GSDMC: variants seen among roughly 807,000 people sequenced by gnomAD.
GSDMC encodes the protein gasdermin C.
In GSDMC, 59 loss-of-function variants were observed where a neutral mutation model predicts 58.0. That is an observed-to-expected ratio of 1.02 (90% CI 0.82 to 1.26). The LOEUF is 1.26. Ranked by LOEUF, GSDMC falls within the 50% of genes most tolerant of loss-of-function variation. The pLI is 0.00. For missense variants in GSDMC, 659 were observed against 598.5 expected (o/e 1.10, Z -1.06); for synonymous variants, 241 against 220.2 (o/e 1.09, Z -0.83).
At chr8:129,740,750 T>C in the GSDMC span, among the ~76,000 whole-genome samples, 1,700 of 152,336 alleles carry the variant, frequency 0.011, 42 homozygotes, top group African/African-American at 0.039. Flanking sequence ...ATTAGCTCCC[T>C]AGCAGATGTA....
At chr8:129,767,717 C>G (rs1439343704) in intron 3 of GSDMC, among the ~76,000 whole-genome samples, 1 of 152,136 alleles carries the variant, frequency 6.6e-6, no homozygotes, top group Non-Finnish European at 1.5e-5. Flanking sequence ...AGCCTGTGGC[C>G]TGCCCAACTA....
At position 129,786,538 on chromosome 8, in the gene GSDMC, A is replaced by G. The variant is rs868579054; in HGVS notation, c.-532T>C. 2 of 152,138 alleles carry G rather than the reference A, an allele frequency of 1.3e-5. No individual in the cohort carries two copies. The highest frequency in any genetic ancestry group is 4.8e-5 in the African/African-American group (2 of 41,384). 9.4% of individuals were successfully genotyped at this position (152,138 alleles called of 1,614,324 possible). A position where few individuals can be genotyped will look rare whatever the true frequency, so the allele number is the denominator to read the frequency against. On this transcript the variant is annotated 5_prime_UTR_variant, in exon 1 of 14. Transcript: ENST00000276708. The stretch of plus-strand genomic sequence containing the variant: ...GGAGGGCCCTGTTCATTTCCAGAAG[A>G]GTAAGTCTGGAACTAGTTCTGGATC...
chr8:129,732,917 C>A, the GSDMC span, among the ~76,000 whole-genome samples: 1,163 of 152,292 alleles, frequency 7.6e-3, 17 homozygotes, highest in African/African-American at 0.026. Context: ...CAAGGGAAGC[C>A]GTGACAGACT....
chr8:129,723,241 T>C, the GSDMC span, among the ~76,000 whole-genome samples: 1 of 151,820 alleles, frequency 6.6e-6, no homozygotes, highest in Non-Finnish European at 1.5e-5. Context: ...AGTTTTTTTG[T>C]TTCTGTTTTT....
chr8:129,774,190 C>T (rs1277836507), intron 3 of GSDMC, among the ~76,000 whole-genome samples: 2 of 152,062 alleles, frequency 1.3e-5, no homozygotes, highest in Non-Finnish European at 2.9e-5. Flanking sequence ...ATGGCACTTG[C>T]ATAAAAACAG....
chr8:129,735,033 C>T, the GSDMC span, among the ~76,000 whole-genome samples: 1 of 152,008 alleles, frequency 6.6e-6, no homozygotes, highest in Non-Finnish European at 1.5e-5. Context: ...AGACTTTAAA[C>T]CAACAAAGAT....
rs113659517 is a variant in GSDMC, at chr8:129,776,180, G to T, written c.326C>A (p.Ala109Asp). 6.2e-7 allele frequency: 1 copy of T among 1,613,670 alleles called. No homozygotes were observed. Among genetic ancestry groups the T allele is most frequent in the Admixed American group, 1.7e-5 (1 of 60,004 alleles). ...VGIEVSVSGE[A>D]SVDHGCSLEF... ...GAGGGAGCATCCATGGTCCACAGAGGCCTCCCCTGACACACTCACTTCTAT... is the reference window on the plus strand; with the variant it reads ...GAGGGAGCATCCATGGTCCACAGAGTCCTCCCCTGACACACTCACTTCTAT... Residue 109 changes from alanine to aspartate, a missense_variant, in exon 3 of 14, where the codon GCC becomes GAC. Physicochemically the swap from Ala to Asp is moderately radical, Grantham distance 126. Coordinates refer to ENST00000276708, the MANE Select transcript of GSDMC (RefSeq NM_031415.3).
At chr8:129,758,645 T>C (rs186772259) in intron 6 of GSDMC, among the ~76,000 whole-genome samples, 1 of 152,092 alleles carries the variant, frequency 6.6e-6, no homozygotes. Flanking sequence ...CATCTAGGAA[T>C]TAACTTAACC....
chr8:129,725,639 A>G, the GSDMC span, among the ~76,000 whole-genome samples: 1 of 152,238 alleles, frequency 6.6e-6, no homozygotes, highest in East Asian at 1.9e-4. Context: ...GCAGGCCTCT[A>G]AAACTCAATA....
At chr8:129,738,613 C>T in the GSDMC span, among the ~76,000 whole-genome samples, 3 of 152,024 alleles carry the variant, frequency 2.0e-5, no homozygotes, top group African/African-American at 4.8e-5. Flanking sequence ...AATGAGAACA[C>T]TTGGACACAG....
At chr8:129,731,167 A>G in the GSDMC span, among the ~76,000 whole-genome samples, 2 of 152,242 alleles carry the variant, frequency 1.3e-5, no homozygotes, top group Non-Finnish European at 2.9e-5. Context: ...AGCTATTAAG[A>G]AGGATAAAAA....
chr8:129,756,119 T>A, intron 6 of GSDMC, among the ~76,000 whole-genome samples: 1 of 149,738 alleles, frequency 6.7e-6, no homozygotes, highest in Non-Finnish European at 1.5e-5. Flanking sequence ...ACACACTTCA[T>A]CTATAAAGAT....
At chr8:129,751,730 TC>T in intron 9 of GSDMC, 131 bp downstream of exon 9, 1 of 1,152,538 alleles carries the variant, frequency 8.7e-7, no homozygotes, top group South Asian at 1.3e-5. Flanking sequence ...TCTGGACCCT[TC>T]CCATTCCACA....
chr8:129,765,769 T>A lies in GSDMC; in HGVS notation c.429A>T (p.Ser143=). 6.2e-7 allele frequency: 1 copy of A among 1,613,962 alleles called. No homozygotes were observed. Among genetic ancestry groups the A allele is most frequent in the Non-Finnish European group, 8.5e-7 (1 of 1,179,916 alleles). Residue 143 remains serine (S), a synonymous_variant, in exon 4 of 14, where the codon TCA becomes TCT. Coordinates refer to ENST00000276708, the MANE Select transcript of GSDMC (RefSeq NM_031415.3). The part of the protein sequence containing the change: ...QKRKLLDPEP[S]FLKECRRRGD... ...CTCTCCTCCGGCACTCCTTCAGAAA[T>A]GATGGCTCTGGATCCAACAGTTTCC... is the stretch of plus-strand genomic sequence containing the variant.
At chr8:129,763,905 C>G (rs540244598) in intron 4 of GSDMC, among the ~76,000 whole-genome samples, 1 of 152,068 alleles carries the variant, frequency 6.6e-6, no homozygotes, top group South Asian at 2.1e-4. Context: ...TGAATATTCT[C>G]CTGTCTTTTT....
the GSDMC span, among the ~76,000 whole-genome samples, chr8:129,737,757 A>G: frequency 2.6e-5 from 4 of 152,248 alleles, no homozygotes; most frequent in East Asian, 3.9e-4. Flanking sequence ...CATGGGCAAG[A>G]ACTTCATGAC....
intron 10 of GSDMC, among the ~76,000 whole-genome samples, chr8:129,750,873 T>C (rs984128661): frequency 6.6e-6 from 1 of 152,182 alleles, no homozygotes; most frequent in East Asian, 1.9e-4. Context: ...TTCTGGGACA[T>C]GTCAGGAATA....
At chr8:129,772,745 G>A (rs2130522093) in intron 3 of GSDMC, among the ~76,000 whole-genome samples, 1 of 152,198 alleles carries the variant, frequency 6.6e-6, no homozygotes, top group South Asian at 2.1e-4. Context: ...GAAGAGGAAA[G>A]AATAATTCAA....
At chr8:129,770,957 A>G (rs2034026452) in intron 3 of GSDMC, among the ~76,000 whole-genome samples, 1 of 151,502 alleles carries the variant, frequency 6.6e-6, no homozygotes, top group African/African-American at 2.4e-5. Context: ...AATGCACAAG[A>G]TGACCAAAAA....
Sources: allele counts gnomAD v4.1 joint callset (sites outside exome capture counted in the v4.1 genomes callset), GRCh38; gene constraint gnomAD v4.1.1; transcripts MANE v1.5; gene names NCBI Gene and HGNC (gene_info 2026-07-23, HGNC 2026-07-21).